Variants in THSD7A observed in about 807,000 individuals in gnomAD.
THSD7A encodes the protein thrombospondin type 1 domain containing 7A.
A neutral mutation model predicts 231.3 loss-of-function variants in THSD7A; 96 were observed. The observed-to-expected ratio is 0.41, with a 90% CI of 0.35 to 0.49. The LOEUF (loss-of-function observed/expected upper bound fraction) is 0.49. THSD7A is among the 20% of genes least tolerant of loss of function. THSD7A has a pLI of 0.05. For missense variants in THSD7A, 2,290 were observed against 2,070.2 expected, an observed-to-expected ratio of 1.11 and a Z score of -2.06; for synonymous variants, 940 against 743.3, an observed-to-expected ratio of 1.26 and a Z score of -4.30.
At chr7:11,727,961 C>A (rs1359628805) in intron 1 of THSD7A, among the ~76,000 whole-genome samples, 2 of 151,908 alleles carry the variant, frequency 1.3e-5, no homozygotes, top group Admixed American at 6.6e-5. Context: ...CTACAGCTGT[C>A]TTCAAACTGA....
intron 11 of THSD7A, among the ~76,000 whole-genome samples, chr7:11,455,291 A>G (rs1785270889): frequency 6.6e-6 from 1 of 152,082 alleles, no homozygotes; most frequent in Non-Finnish European, 1.5e-5. Flanking sequence ...CTTGATCTAT[A>G]GTGTTTTGTT....
At chr7:11,750,456 T>C (rs1406412381) in intron 1 of THSD7A, among the ~76,000 whole-genome samples, 2 of 151,312 alleles carry the variant, frequency 1.3e-5, no homozygotes, top group Non-Finnish European at 2.9e-5. Flanking sequence ...TGAGCAGGGC[T>C]TAAAGCTTGT....
intron 4 of THSD7A, among the ~76,000 whole-genome samples, chr7:11,545,642 G>A (rs549998502): frequency 2.2e-4 from 34 of 152,274 alleles, no homozygotes; most frequent in Non-Finnish European, 4.7e-4. Context: ...TCCTGGGAAA[G>A]GGGTGAATTA....
intron 1 of THSD7A, among the ~76,000 whole-genome samples, chr7:11,746,874 C>A (rs1056563158): frequency 6.6e-6 from 1 of 151,786 alleles, no homozygotes; most frequent in Admixed American, 6.6e-5. Context: ...TTTAAATCTT[C>A]TATAAGGAAG....
intron 6 of THSD7A, among the ~76,000 whole-genome samples, chr7:11,530,476 T>C (rs1788659430): frequency 6.6e-6 from 1 of 152,208 alleles, no homozygotes; most frequent in Admixed American, 6.5e-5. Flanking sequence ...AACACAGTGC[T>C]AGGAAACAGT....
intron 6 of THSD7A, among the ~76,000 whole-genome samples, chr7:11,534,654 G>A (rs1294025641): frequency 6.6e-6 from 1 of 152,112 alleles, no homozygotes; most frequent in Non-Finnish European, 1.5e-5. Flanking sequence ...ATGATATATG[G>A]TCTGAGAGGT....
At chr7:11,712,083 C>G (rs1339468461) in intron 1 of THSD7A, among the ~76,000 whole-genome samples, 1 of 150,948 alleles carries the variant, frequency 6.6e-6, no homozygotes, top group Non-Finnish European at 1.5e-5. Context: ...AGAGACTATG[C>G]AAATATGAAT....
rs559725143 is a variant in THSD7A at position 11,831,238 on chromosome 7, T to A, written c.190+519A>T. On this transcript the variant is annotated intron_variant, in intron 1 of 27. Coordinates refer to ENST00000423059, the MANE Select transcript of THSD7A (RefSeq NM_015204.3). The surrounding 1 kb of genome is among the most constrained non-coding windows in gnomAD (Gnocchi z 5.0). ...AATAATTGAGTTTTCAGTCTTTCCC[T>A]GAAGGCTCACTGGAGCCCCATTTGC... Among the ~76,000 whole-genome samples the A allele has an allele frequency of 2.0e-5, 3 of 152,358 alleles. No individual in the cohort carries two copies. The highest frequency in any genetic ancestry group is 4.1e-4 in the South Asian group (2 of 4,830).
intron 1 of THSD7A, among the ~76,000 whole-genome samples, chr7:11,710,645 G>A (rs538953936): frequency 1.1e-4 from 16 of 150,844 alleles, no homozygotes; most frequent in African/African-American, 3.1e-4. Context: ...CCTACTTCTC[G>A]GGAAAGCATG....
intron 6 of THSD7A, among the ~76,000 whole-genome samples, chr7:11,504,551 C>A (rs1235377266): frequency 6.6e-6 from 1 of 152,098 alleles, no homozygotes; most frequent in Non-Finnish European, 1.5e-5. Context: ...CAAACACACC[C>A]TAGATATAAT....
chr7:11,776,034 A>T (rs949492063), intron 1 of THSD7A, among the ~76,000 whole-genome samples: 3 of 152,158 alleles, frequency 2.0e-5, no homozygotes, highest in African/African-American at 7.2e-5. Context: ...TTTAAAACGT[A>T]AGTTAATAGC....
intron 4 of THSD7A, among the ~76,000 whole-genome samples, chr7:11,562,576 A>C (rs419): frequency 6.6e-6 from 1 of 151,968 alleles, no homozygotes; most frequent in Non-Finnish European, 1.5e-5. Context: ...TAATTCACAA[A>C]TACAAGGAAA....
At chr7:11,476,036 C>T (rs1030545579) in intron 7 of THSD7A, among the ~76,000 whole-genome samples, 1 of 148,312 alleles carries the variant, frequency 6.7e-6, no homozygotes. Flanking sequence ...TAACCTTTTC[C>T]TTTTTAAATG....
At chr7:11,808,524 G>C (rs1417583050) in intron 1 of THSD7A, among the ~76,000 whole-genome samples, 1 of 152,024 alleles carries the variant, frequency 6.6e-6, no homozygotes, top group Admixed American at 6.6e-5. Flanking sequence ...AGCACAAAAT[G>C]AATTAAGGCA....
rs374534063 is a variant in THSD7A at position 11,593,416 on chromosome 7, C to T, written c.1109G>A (p.Ser370Asn). 2 of 1,614,014 alleles carry T rather than the reference C, an allele frequency of 1.2e-6. No homozygotes were observed. The highest frequency in any genetic ancestry group is 8.5e-7 in the Non-Finnish European group (1 of 1,179,896). ...GTCATGGCATGTTTTTGAGCAGGGG[C>T]TCCACTCTGACCACTCGGAAACCTG... ...ECQVSEWSEW[S>N]PCSKTCHDMV... The change falls in exon 3 of 28, where the codon AGC becomes AAC. Residue 370 changes from serine to asparagine, a missense_variant. Coordinates refer to ENST00000423059, the MANE Select transcript of THSD7A (RefSeq NM_015204.3).
At chr7:11,544,316 T>A (rs903042124) in intron 4 of THSD7A, among the ~76,000 whole-genome samples, 2 of 151,992 alleles carry the variant, frequency 1.3e-5, no homozygotes, top group African/African-American at 4.8e-5. Flanking sequence ...CACTCCAGCC[T>A]GGCAACAGAG....
intron 4 of THSD7A, among the ~76,000 whole-genome samples, chr7:11,561,676 G>A (rs1252753734): frequency 6.6e-6 from 1 of 152,110 alleles, no homozygotes; most frequent in Non-Finnish European, 1.5e-5. Flanking sequence ...TTCAAGGCCA[G>A]CCTGGCCAAA....
intron 11 of THSD7A, among the ~76,000 whole-genome samples, chr7:11,456,193 A>G (rs368969770): frequency 1.3e-5 from 2 of 152,162 alleles, no homozygotes; most frequent in South Asian, 2.1e-4. Context: ...TTAGTAAATT[A>G]ACTCTGAATG....
At chr7:11,744,036 C>A (rs1185323953) in intron 1 of THSD7A, among the ~76,000 whole-genome samples, 1 of 151,858 alleles carries the variant, frequency 6.6e-6, no homozygotes, top group Non-Finnish European at 1.5e-5. Context: ...TGCCATATAG[C>A]AATTTCGTGG....
Sources: allele counts gnomAD v4.1 joint callset (sites outside exome capture counted in the v4.1 genomes callset), GRCh38; gene constraint gnomAD v4.1.1; non-coding constraint Gnocchi (gnomAD v3.1); transcripts MANE v1.5; gene names NCBI Gene and HGNC (gene_info 2026-07-23, HGNC 2026-07-21).